CIMAP1A: variants seen among roughly 807,000 people sequenced by gnomAD.
The protein encoded by CIMAP1A is ciliary microtubule associated protein 1A, also known as cancer/testis antigen 135.
the CIMAP1A span, chr11:199,567 G>T: frequency 7.3e-7 from 1 of 1,371,284 alleles, no homozygotes. Flanking sequence ...GGCCCAGAGG[G>T]ATGTGTAGGA....
chr11:198,960 C>G, the CIMAP1A span: 5 of 1,186,778 alleles, frequency 4.2e-6, no homozygotes, highest in South Asian at 1.2e-4. Context: ...CAGTGCAAAG[C>G]CCCTGGGTGG....
At chr11:200,230 C>T in the CIMAP1A span, 1 of 578,128 alleles carries the variant, frequency 1.7e-6, no homozygotes, top group Non-Finnish European at 3.0e-6. Flanking sequence ...CTGCTGTGCC[C>T]AAATTATTAA....
chr11:198,996 T>C, the CIMAP1A span: 4 of 1,182,942 alleles, frequency 3.4e-6, no homozygotes, highest in African/African-American at 6.3e-5. Flanking sequence ...TTGAGGGGCC[T>C]GAGATGGGGA....
At chr11:198,992 G>C in the CIMAP1A span, 1 of 1,184,738 alleles carries the variant, frequency 8.4e-7, no homozygotes, top group Non-Finnish European at 1.1e-6. Flanking sequence ...GAGCTTGAGG[G>C]GCCTGAGATG....
the CIMAP1A span, chr11:196,944 C>T: frequency 0.17 from 28,896 of 172,808 alleles, 3,128 homozygotes; most frequent in Non-Finnish European, 0.22. Flanking sequence ...CCAGGCGGCC[C>T]CCTCCCTGCC....
the CIMAP1A span, chr11:198,844 G>GGA: frequency 3.0e-6 from 4 of 1,352,608 alleles, no homozygotes; most frequent in African/African-American, 1.5e-5. Flanking sequence ...AGCACTGTCT[G>GGA]GAGAGAGAGA....
At chr11:199,294 T>C in the CIMAP1A span, 2 of 1,531,250 alleles carry the variant, frequency 1.3e-6, no homozygotes, top group East Asian at 4.9e-5. Flanking sequence ...ACTCAGAGCC[T>C]GAGTTTGCTC....
the CIMAP1A span, chr11:198,375 C>A: frequency 6.2e-7 from 1 of 1,613,272 alleles, no homozygotes; most frequent in Non-Finnish European, 8.5e-7. Context: ...ATGGGGCAGC[C>A]CGACGGCTGA....
chr11:199,133 C>G, the CIMAP1A span: 3 of 1,394,056 alleles, frequency 2.2e-6, no homozygotes, highest in South Asian at 4.6e-5. Flanking sequence ...CTGGCACACA[C>G]TGGGGATGCC....
At chr11:198,059 C>T in the CIMAP1A span, 5 of 1,543,840 alleles carry the variant, frequency 3.2e-6, no homozygotes, top group African/African-American at 1.4e-5. Context: ...TCCTGGACAC[C>T]CCCTGACCCG....
At chr11:198,707 A>C in the CIMAP1A span, 12 of 1,483,850 alleles carry the variant, frequency 8.1e-6, no homozygotes, top group Admixed American at 5.0e-5. Context: ...TCAGCCCTTC[A>C]CCCTCTGGGC....
chr11:198,640 C>A, the CIMAP1A span: 1 of 1,556,018 alleles, frequency 6.4e-7, no homozygotes, highest in African/African-American at 1.4e-5. Flanking sequence ...CTGAACCCTC[C>A]CCCGGAACCC....
chr11:198,766 A>C, the CIMAP1A span: 1 of 1,439,704 alleles, frequency 6.9e-7, no homozygotes, highest in Non-Finnish European at 9.1e-7. Context: ...GGGGCAGGCA[A>C]CAGGCCAGAA....
At chr11:197,352 G>T in the CIMAP1A span, 2 of 1,597,076 alleles carry the variant, frequency 1.3e-6, no homozygotes, top group East Asian at 4.6e-5. Flanking sequence ...ATCGCCCCCG[G>T]GGACCCATCA....
At chr11:197,825 G>A in the CIMAP1A span, 2 of 1,562,190 alleles carry the variant, frequency 1.3e-6, no homozygotes, top group African/African-American at 2.7e-5. Context: ...CCTGCTGGGT[G>A]CCCCTAACCT....
chr11:198,917 T>C, the CIMAP1A span: 2 of 1,207,234 alleles, frequency 1.7e-6, no homozygotes, highest in Non-Finnish European at 2.1e-6. Context: ...CATGAGCTAT[T>C]TGGGGGAGGA....
chr11:198,219 TCCA>T, the CIMAP1A span: 2 of 1,613,918 alleles, frequency 1.2e-6, no homozygotes, highest in Non-Finnish European at 1.7e-6. Flanking sequence ...TCCAGAGAAA[TCCA>T]CCAAGTACGT....
chr11:197,147 G>T, the CIMAP1A span: 1 of 548,108 alleles, frequency 1.8e-6, no homozygotes. Context: ...CTGACTCCTG[G>T]CTCCCAGCTG....
the CIMAP1A span, chr11:199,886 A>C: frequency 6.3e-7 from 1 of 1,599,190 alleles, no homozygotes. Flanking sequence ...CAGCCAGGGC[A>C]GAGACCTGCA....
Sources: allele counts gnomAD v4.1 joint callset, GRCh38; gene constraint gnomAD v4.1.1; transcripts MANE v1.5; gene names NCBI Gene and HGNC (gene_info 2026-07-23, HGNC 2026-07-21).